The following GPHN variants were observed in gnomAD, a reference collection of about 807,000 sequenced individuals.
GPHN encodes gephyrin.
In GPHN, 17 loss-of-function variants were observed where a neutral mutation model predicts 95.5. The ratio of observed to expected loss-of-function variants is 0.18; its 90% CI spans 0.12 to 0.27. The LOEUF is 0.27. Ranked by LOEUF, GPHN falls within the 10% of genes least tolerant of loss-of-function variation. GPHN has a pLI of 1.00. For missense variants in GPHN, 660 were observed against 978.1 expected, an observed-to-expected ratio of 0.67 and a Z score of 4.34; for synonymous variants, 320 against 322.5, an observed-to-expected ratio of 0.99 and a Z score of 0.08.
chr14:67,423,708 T>C, the GPHN span, among the ~76,000 whole-genome samples: 2 of 151,826 alleles, frequency 1.3e-5, no homozygotes, highest in African/African-American at 4.8e-5. Flanking sequence ...ACACAGCTTC[T>C]TCCTTTAGGC....
chr14:66,558,229 T>C (rs966376737), intron 1 of GPHN, among the ~76,000 whole-genome samples: 9 of 152,102 alleles, frequency 5.9e-5, no homozygotes, highest in African/African-American at 2.2e-4. Context: ...TATAAGCTTA[T>C]AGCTTCCTGA....
intron 9 of GPHN, among the ~76,000 whole-genome samples, chr14:66,992,466 C>G (rs2071502284): frequency 6.6e-6 from 1 of 152,066 alleles, no homozygotes; most frequent in Non-Finnish European, 1.5e-5. Flanking sequence ...AAGTAATGAT[C>G]TTTTGAACCA....
At chr14:66,814,098 C>T (rs2060869292) in intron 3 of GPHN, among the ~76,000 whole-genome samples, 1 of 152,160 alleles carries the variant, frequency 6.6e-6, no homozygotes, top group Non-Finnish European at 1.5e-5. Flanking sequence ...GCAGTCTGCC[C>T]TCCTCCCTTG....
At chr14:67,545,856 A>G in the GPHN span, among the ~76,000 whole-genome samples, 77 of 152,280 alleles carry the variant, frequency 5.1e-4, no homozygotes, top group African/African-American at 1.8e-3. Context: ...GACAGTACTA[A>G]TTGTTGTTTC....
At chr14:66,821,128 G>A (rs1351372205) in intron 3 of GPHN, among the ~76,000 whole-genome samples, 1 of 152,068 alleles carries the variant, frequency 6.6e-6, no homozygotes, top group East Asian at 1.9e-4. Flanking sequence ...AGAATAAAGT[G>A]GATCTAACAG....
intron 4 of GPHN, among the ~76,000 whole-genome samples, chr14:66,826,978 T>G (rs535200410): frequency 6.6e-6 from 1 of 152,108 alleles, no homozygotes; most frequent in East Asian, 1.9e-4. Context: ...TAGCATAAAC[T>G]CAGGTGTGAT....
At chr14:66,591,852 A>G (rs756704197) in intron 1 of GPHN, among the ~76,000 whole-genome samples, 47 of 152,344 alleles carry the variant, frequency 3.1e-4, no homozygotes, top group Admixed American at 1.3e-3. Flanking sequence ...AGCCAAGACA[A>G]TCCTAAGCAA....
rs77363328 is a variant in GPHN, at chr14:66,557,248, G to C, written c.64+48657G>C. On this transcript the variant is annotated intron_variant, in intron 1 of 22. Coordinates refer to ENST00000478722, the MANE Select transcript of GPHN (RefSeq NM_020806.5). ...AGATACATAGGTAGGTAGATAGATA[G>C]ATAGATAGATAGATAGATAGATAGA... is the stretch of plus-strand genomic sequence containing the variant. 2.8e-3 allele frequency among the ~76,000 whole-genome samples: 407 copies of C among 143,998 alleles called. 1 individual carries two copies. The highest frequency in any genetic ancestry group is 4.6e-3 in the Non-Finnish European group (296 of 64,048). The allele number at this position is 143,998 out of a possible 152,430, so 94.5% of individuals were successfully genotyped here.
chr14:66,605,663 G>T (rs576704108), intron 1 of GPHN, among the ~76,000 whole-genome samples: 1 of 151,314 alleles, frequency 6.6e-6, no homozygotes, highest in Admixed American at 6.6e-5. Context: ...CCGAGTAGCT[G>T]GGAGTATAGG....
chr14:67,398,284 G>A, the GPHN span, among the ~76,000 whole-genome samples: 1 of 152,158 alleles, frequency 6.6e-6, no homozygotes, highest in East Asian at 1.9e-4. Flanking sequence ...GAGTACAGTG[G>A]CATGACCTCA....
At chr14:66,762,926 A>G (rs1276849772) in intron 2 of GPHN, among the ~76,000 whole-genome samples, 1 of 152,252 alleles carries the variant, frequency 6.6e-6, no homozygotes, top group Non-Finnish European at 1.5e-5. Context: ...AATTTTGACC[A>G]TATTTTAAAA....
At chr14:67,605,104 T>C in the GPHN span, among the ~76,000 whole-genome samples, 1 of 152,202 alleles carries the variant, frequency 6.6e-6, no homozygotes, top group African/African-American at 2.4e-5. Context: ...GGTTTTTGTA[T>C]TTTCACCAAA....
At chr14:67,034,246 T>G (rs2074315159) in intron 10 of GPHN, among the ~76,000 whole-genome samples, 1 of 152,050 alleles carries the variant, frequency 6.6e-6, no homozygotes, top group Non-Finnish European at 1.5e-5. Flanking sequence ...TGTAAATGAG[T>G]AGACTTTTAT....
At chr14:66,874,038 C>T (rs560333913) in intron 4 of GPHN, among the ~76,000 whole-genome samples, 1 of 152,144 alleles carries the variant, frequency 6.6e-6, no homozygotes, top group Non-Finnish European at 1.5e-5. Flanking sequence ...CGCTCTGGGA[C>T]GAAGCTTCCA....
At chr14:66,974,760 G>A (rs1025287681) in intron 9 of GPHN, among the ~76,000 whole-genome samples, 1 of 152,016 alleles carries the variant, frequency 6.6e-6, no homozygotes, top group Non-Finnish European at 1.5e-5. Context: ...ATTCTCTTAT[G>A]TTTTTCTATG....
chr14:66,627,429 A>C (rs772919407), intron 1 of GPHN, among the ~76,000 whole-genome samples: 1 of 151,716 alleles, frequency 6.6e-6, no homozygotes, highest in Non-Finnish European at 1.5e-5. Flanking sequence ...CTTTATTTCA[A>C]CTGTTGAAGA....
At chr14:67,398,464 C>A in the GPHN span, among the ~76,000 whole-genome samples, 2 of 152,176 alleles carry the variant, frequency 1.3e-5, no homozygotes, top group African/African-American at 4.8e-5. Context: ...CTGAGAGCCA[C>A]CTAAACTACC....
chr14:66,730,274 T>C (rs997182251), intron 2 of GPHN, among the ~76,000 whole-genome samples: 2 of 152,210 alleles, frequency 1.3e-5, no homozygotes, highest in African/African-American at 4.8e-5. Context: ...GTTCTTCCTT[T>C]TGTGTCAGCC....
chr14:66,736,111 A>T (rs1223149943), intron 2 of GPHN, among the ~76,000 whole-genome samples: 1 of 152,142 alleles, frequency 6.6e-6, no homozygotes, highest in Non-Finnish European at 1.5e-5. Context: ...AAGATCTACT[A>T]TATTGTGGAT....
Sources: gnomAD v4.1 joint callset for allele counts (sites outside exome capture counted in the v4.1 genomes callset) on GRCh38, gnomAD v4.1.1 for gene constraint, MANE v1.5 for transcripts, NCBI Gene and HGNC (gene_info 2026-07-23, HGNC 2026-07-21) for gene names.